LRRC38: variants seen among roughly 807,000 people sequenced by gnomAD.
The protein encoded by LRRC38 is leucine-rich repeat-containing protein 38.
Under a neutral mutation model 16.4 loss-of-function variants are expected in LRRC38, and 5 were observed. That is an observed-to-expected ratio of 0.31 (90% CI 0.16 to 0.64). The LOEUF (loss-of-function observed/expected upper bound fraction) is 0.64. Ranked by LOEUF, LRRC38 falls within the 30% of genes least tolerant of loss-of-function variation. LRRC38 has a pLI of 0.80. For synonymous variants in LRRC38, 191 were observed against 190.2 expected (o/e 1.00, Z -0.04); for missense variants, 341 against 401.8 (o/e 0.85, Z 1.29).
chr1:13,508,551 T>A (rs1639238251), intron 1 of LRRC38, among the ~76,000 whole-genome samples: 1 of 152,248 alleles, frequency 6.6e-6, no homozygotes, highest in Admixed American at 6.5e-5. Flanking sequence ...TTTACATATA[T>A]GTAAGAATAA....
At chr1:13,476,350 T>G (rs2924855) in intron 1 of LRRC38, among the ~76,000 whole-genome samples, 43,901 of 151,958 alleles carry the variant, frequency 0.29, 6,473 homozygotes, top group East Asian at 0.5. Flanking sequence ...TTTTGTTTTT[T>G]GTTTTTGAGA....
At position 13,487,625 on chromosome 1, in the gene LRRC38, A is replaced by G. The variant is rs909856303; in HGVS notation, c.632-11526T>C. Among the ~76,000 whole-genome samples the G allele has an allele frequency of 2.6e-5, 4 of 152,178 alleles. No individual in the cohort carries two copies. The highest frequency in any genetic ancestry group is 9.7e-5 in the African/African-American group (4 of 41,448). Reference sequence around the variant, plus strand: ...GCGGCTCCGTGGCCTGCCCGTCACCACCTGTCTGGGCTCCCTCCCCTTGAG... The same window carrying G: ...GCGGCTCCGTGGCCTGCCCGTCACCGCCTGTCTGGGCTCCCTCCCCTTGAG... On this transcript the variant is annotated intron_variant, in intron 1 of 1. Transcript: ENST00000376085. The surrounding 1 kb of genome is among the most constrained non-coding windows in gnomAD (Gnocchi z 4.4).
chr1:13,478,497 G>A (rs1569906533), intron 1 of LRRC38, among the ~76,000 whole-genome samples: 2 of 152,318 alleles, frequency 1.3e-5, no homozygotes, highest in East Asian at 3.9e-4. Flanking sequence ...TTCCCAGTGA[G>A]AATAGCCAGA....
chr1:13,503,057 G>A (rs1235236329), intron 1 of LRRC38, among the ~76,000 whole-genome samples: 1 of 152,108 alleles, frequency 6.6e-6, no homozygotes. Context: ...TTGCCACAGG[G>A]ACCCACCCAG....
At chr1:13,505,653 C>T (rs1157851146) in intron 1 of LRRC38, among the ~76,000 whole-genome samples, 2 of 152,160 alleles carry the variant, frequency 1.3e-5, no homozygotes, top group Non-Finnish European at 2.9e-5. Flanking sequence ...TAATGTCAAC[C>T]TCAGTGAATG....
At chr1:13,476,760 G>A (rs1638793603) in intron 1 of LRRC38, among the ~76,000 whole-genome samples, 1 of 152,224 alleles carries the variant, frequency 6.6e-6, no homozygotes, top group African/African-American at 2.4e-5. Flanking sequence ...GGTTGGGGCA[G>A]ATGCAGTGGG....
At chr1:13,496,861 T>C (rs1639086330) in intron 1 of LRRC38, among the ~76,000 whole-genome samples, 1 of 151,714 alleles carries the variant, frequency 6.6e-6, no homozygotes, top group Admixed American at 6.6e-5. Context: ...CCAGAGGTGG[T>C]GGGGTGCAGG....
chr1:13,504,758 G>A (rs1182253553), intron 1 of LRRC38, among the ~76,000 whole-genome samples: 2 of 90,808 alleles, frequency 2.2e-5, no homozygotes. Flanking sequence ...GGAGGGGAGG[G>A]GAGGGGAAGG....
chr1:13,499,792 C>T (rs1639124354), intron 1 of LRRC38, among the ~76,000 whole-genome samples: 1 of 152,158 alleles, frequency 6.6e-6, no homozygotes, highest in African/African-American at 2.4e-5. Flanking sequence ...GCTTCCAGAC[C>T]ACAGTGCGAC....
chr1:13,505,338 C>T (rs1027085580), intron 1 of LRRC38, among the ~76,000 whole-genome samples: 2 of 152,246 alleles, frequency 1.3e-5, no homozygotes, highest in African/African-American at 2.4e-5. Context: ...ACCAAGATCA[C>T]AACAACCCAA....
intron 1 of LRRC38, among the ~76,000 whole-genome samples, chr1:13,490,678 T>TGGGTGATTTG (rs1185586049): frequency 2.0e-5 from 3 of 152,062 alleles, no homozygotes; most frequent in African/African-American, 7.3e-5. Flanking sequence ...CTGGTGACTA[T>TGGGTGATTTG]GGGTGATTTG....
chr1:13,505,939 T>C (rs1022516254), intron 1 of LRRC38, among the ~76,000 whole-genome samples: 2 of 151,930 alleles, frequency 1.3e-5, no homozygotes, highest in Non-Finnish European at 2.9e-5. Context: ...GAGGGGCCCG[T>C]CTGGGCTGTG....
intron 1 of LRRC38, among the ~76,000 whole-genome samples, chr1:13,510,336 T>A (rs1639260505): frequency 6.6e-6 from 1 of 152,154 alleles, no homozygotes; most frequent in South Asian, 2.1e-4. Context: ...TGGGTTTAAC[T>A]CTCTGTGTGA....
chr1:13,491,393 T>C (rs1042742373), intron 1 of LRRC38, among the ~76,000 whole-genome samples: 1 of 152,168 alleles, frequency 6.6e-6, no homozygotes, highest in Non-Finnish European at 1.5e-5. Context: ...AGTGGCGTGA[T>C]CTCAGCCACT....
In LRRC38 at chr1:13,475,200, C is replaced by G. The variant is rs1039381987; in HGVS notation, c.*646G>C. The G allele has an allele frequency of 6.5e-6, 1 of 152,824 alleles. No individual in the cohort carries two copies. Among genetic ancestry groups the G allele is most frequent in the Non-Finnish European group, 1.5e-5 (1 of 68,544 alleles). The allele number at this position is 152,824 out of a possible 1,614,324, so 9.5% of individuals were successfully genotyped here. ...TTGGGCCCCATCCTCATGATATGATCTAAACCTAATCACCTCCCAAAAGCC... is the reference window on the plus strand; with the variant it reads ...TTGGGCCCCATCCTCATGATATGATGTAAACCTAATCACCTCCCAAAAGCC... On this transcript the variant is annotated 3_prime_UTR_variant, in exon 2 of 2. Coordinates refer to ENST00000376085, the MANE Select transcript of LRRC38 (RefSeq NM_001010847.2). This position sits in a 1 kb window ranked among gnomAD's most constrained non-coding sequence, Gnocchi z 4.3.
In LRRC38 at chr1:13,475,530, C is replaced by G. The variant is rs1040735389; in HGVS notation, c.*316G>C. 1.2e-4 allele frequency: 36 copies of G among 294,014 alleles called. No homozygotes were observed. Among genetic ancestry groups the G allele is most frequent in the African/African-American group, 6.7e-4 (32 of 47,610 alleles). The allele number at this position is 294,014 out of a possible 1,614,324, so 18.2% of individuals were successfully genotyped here. On this transcript the variant is annotated 3_prime_UTR_variant, in exon 2 of 2. Transcript: ENST00000376085. The surrounding 1 kb of genome is among the most constrained non-coding windows in gnomAD (Gnocchi z 4.3). ...TTGAAAGCTGCCAGTCTTCACATTT[C>G]CTGGGGGAGGCTTTTAGTCATCAGC...
At chr1:13,476,521 G>A (rs1029114214) in intron 1 of LRRC38, among the ~76,000 whole-genome samples, 1 of 152,192 alleles carries the variant, frequency 6.6e-6, no homozygotes, top group East Asian at 1.9e-4. Context: ...TAGAGACAGG[G>A]TTTCACCATG....
chr1:13,481,386 T>TTTA (rs1345462549), intron 1 of LRRC38, among the ~76,000 whole-genome samples: 140 of 116,656 alleles, frequency 1.2e-3, no homozygotes, highest in African/African-American at 4.0e-3. Flanking sequence ...GTTTTTTTTA[T>TTTA]TTTTTTTTTT....
chr1:13,512,612 C>G (rs1422655568), intron 1 of LRRC38, among the ~76,000 whole-genome samples: 2 of 152,022 alleles, frequency 1.3e-5, no homozygotes, highest in East Asian at 3.9e-4. Context: ...ATAGAGTAGG[C>G]TGCATTCCGC....
Sources: gnomAD v4.1 joint callset for allele counts (sites outside exome capture counted in the v4.1 genomes callset) on GRCh38, gnomAD v4.1.1 for gene constraint, Gnocchi (gnomAD v3.1) non-coding constraint, MANE v1.5 for transcripts, NCBI Gene and HGNC (gene_info 2026-07-23, HGNC 2026-07-21) for gene names.